KLHL1: variants seen among roughly 807,000 people sequenced by gnomAD.
The protein encoded by KLHL1 is kelch like family member 1, also known as kelch-like protein 1.
Under a neutral mutation model 77.7 loss-of-function variants are expected in KLHL1, and 47 were observed. That is an observed-to-expected ratio of 0.60 (90% CI 0.48 to 0.77). The LOEUF (loss-of-function observed/expected upper bound fraction) is 0.77, where lower values mean the gene tolerates loss of function less well. KLHL1 is among the 30% of genes least tolerant of loss of function. The pLI is 0.00. For missense variants in KLHL1, 925 were observed against 910.8 expected (o/e 1.02, Z -0.20); for synonymous variants, 360 against 325.2 (o/e 1.11, Z -1.15).
chr13:69,933,511 C>T (rs1014812877), intron 4 of KLHL1, among the ~76,000 whole-genome samples: 1 of 152,010 alleles, frequency 6.6e-6, no homozygotes, highest in Non-Finnish European at 1.5e-5. Flanking sequence ...TCACAAACCA[C>T]ATTGATATAG....
At chr13:70,055,053 C>G (rs994439509) in intron 1 of KLHL1, among the ~76,000 whole-genome samples, 11 of 151,718 alleles carry the variant, frequency 7.3e-5, no homozygotes, top group African/African-American at 2.7e-4. Context: ...GAGAAAGATA[C>G]CAATATTAAA....
chr13:69,998,651 G>T (rs1006937220), intron 1 of KLHL1, among the ~76,000 whole-genome samples: 1 of 151,972 alleles, frequency 6.6e-6, no homozygotes, highest in Non-Finnish European at 1.5e-5. Context: ...TAATTAGTTT[G>T]CTATTAATAG....
intron 1 of KLHL1, among the ~76,000 whole-genome samples, chr13:69,982,810 A>G (rs762821512): frequency 2.0e-5 from 3 of 152,048 alleles, no homozygotes; most frequent in Non-Finnish European, 4.4e-5. Flanking sequence ...ATATGATGAT[A>G]AAGGGGTCAA....
intron 7 of KLHL1, among the ~76,000 whole-genome samples, chr13:69,740,807 T>C (rs964450160): frequency 6.6e-6 from 1 of 152,188 alleles, no homozygotes; most frequent in Non-Finnish European, 1.5e-5. Context: ...CTACCTACCA[T>C]TAATTGAATC....
At chr13:69,929,127 A>T (rs1882910923) in intron 4 of KLHL1, among the ~76,000 whole-genome samples, 1 of 33,888 alleles carries the variant, frequency 3.0e-5, no homozygotes, top group Admixed American at 2.9e-4. Flanking sequence ...TATTTGTAGA[A>T]TCATAAGCTG....
chr13:69,986,599 T>C (rs9529664), intron 1 of KLHL1, among the ~76,000 whole-genome samples: 52,634 of 151,846 alleles, frequency 0.35, 10,769 homozygotes, highest in South Asian at 0.47. Flanking sequence ...GCTGCTTGTT[T>C]TATTCTTATG....
At chr13:69,950,511 G>GAGTTTAACCTAAAAC (rs1883673417) in intron 3 of KLHL1, among the ~76,000 whole-genome samples, 1 of 151,324 alleles carries the variant, frequency 6.6e-6, no homozygotes, top group African/African-American at 2.4e-5. Context: ...AATTTCCATG[G>GAGTTTAACCTAAAAC]AGTTTAACCT....
chr13:69,862,655 T>C (rs1417804735), intron 5 of KLHL1, among the ~76,000 whole-genome samples: 1 of 152,116 alleles, frequency 6.6e-6, no homozygotes, highest in Non-Finnish European at 1.5e-5. Flanking sequence ...TGAGTGTTTT[T>C]AGAGAAAGAG....
chr13:69,789,035 C>G (rs1876720365), intron 7 of KLHL1, among the ~76,000 whole-genome samples: 1 of 61,358 alleles, frequency 1.6e-5, no homozygotes, highest in African/African-American at 7.9e-5. Flanking sequence ...ATCTATCTAT[C>G]TATCTATCTA....
chr13:69,773,420 T>A (rs970785428), intron 7 of KLHL1, among the ~76,000 whole-genome samples: 1 of 152,060 alleles, frequency 6.6e-6, no homozygotes, highest in South Asian at 2.1e-4. Flanking sequence ...GAACTTCCTA[T>A]ATTTTTCCTC....
intron 4 of KLHL1, among the ~76,000 whole-genome samples, chr13:69,901,790 TTTTTC>T (rs201607680): frequency 0.66 from 76,507 of 115,782 alleles, 21,717 homozygotes; most frequent in South Asian, 0.81. Flanking sequence ...TCTTTTTCTT[TTTTTC>T]TTTTTTTTTT....
chr13:69,927,112 T>C (rs1389169303), intron 4 of KLHL1, among the ~76,000 whole-genome samples: 2 of 152,112 alleles, frequency 1.3e-5, no homozygotes, highest in African/African-American at 4.8e-5. Context: ...CTCATATTTA[T>C]AGTCAATTGA....
At chr13:69,850,010 C>T (rs1017436431) in intron 5 of KLHL1, among the ~76,000 whole-genome samples, 1 of 151,418 alleles carries the variant, frequency 6.6e-6, no homozygotes, top group East Asian at 1.9e-4. Context: ...ATCTATATTA[C>T]TAAATGATTT....
chr13:69,966,113 T>C (rs1884203624), intron 2 of KLHL1, among the ~76,000 whole-genome samples: 1 of 152,134 alleles, frequency 6.6e-6, no homozygotes, highest in African/African-American at 2.4e-5. Flanking sequence ...TCTGTGATCA[T>C]TGATGAAAGT....
At chr13:69,878,896 A>G (rs1880873120) in intron 5 of KLHL1, among the ~76,000 whole-genome samples, 1 of 152,332 alleles carries the variant, frequency 6.6e-6, no homozygotes, top group Admixed American at 6.5e-5. Context: ...TATGGTACAT[A>G]CACACCATGG....
At chr13:69,934,865 C>T (rs1192439932) in intron 4 of KLHL1, among the ~76,000 whole-genome samples, 1 of 150,886 alleles carries the variant, frequency 6.6e-6, no homozygotes, top group South Asian at 2.1e-4. Context: ...TTCATATAAA[C>T]ATCATTTATT....
At chr13:70,021,646 T>C (rs1478553863) in intron 1 of KLHL1, among the ~76,000 whole-genome samples, 3 of 150,334 alleles carry the variant, frequency 2.0e-5, no homozygotes, top group Non-Finnish European at 1.5e-5. Context: ...ATGAGAATTC[T>C]TCTTCTTCCA....
chr13:69,843,270 G>T (rs1267427805), intron 5 of KLHL1, among the ~76,000 whole-genome samples: 1 of 150,960 alleles, frequency 6.6e-6, no homozygotes, highest in African/African-American at 2.4e-5. Flanking sequence ...ATAAGCAAAA[G>T]ACAAAAAAAT....
At chr13:69,731,541 G>T in intron 8 of KLHL1, among the ~76,000 whole-genome samples, 1 of 152,268 alleles carries the variant, frequency 6.6e-6, no homozygotes, top group South Asian at 2.1e-4. Context: ...ATAGCCAAAA[G>T]AAGTCTAGCA....
Sources: gnomAD v4.1 joint callset for allele counts (sites outside exome capture counted in the v4.1 genomes callset) on GRCh38, gnomAD v4.1.1 for gene constraint, MANE v1.5 for transcripts, NCBI Gene and HGNC (gene_info 2026-07-23, HGNC 2026-07-21) for gene names.